Variants in TBX15 observed in about 807,000 individuals in gnomAD.
The protein encoded by TBX15 is T-box transcription factor 15, also known as T-box transcription factor TBX15.
In TBX15, 18 loss-of-function variants were observed where a neutral mutation model predicts 53.9. The observed-to-expected ratio is 0.33, with a 90% CI of 0.23 to 0.49. TBX15 has a LOEUF of 0.49. TBX15 is among the 20% of genes least tolerant of loss of function. The pLI, the probability that TBX15 is intolerant of heterozygous loss-of-function variation, is 0.98. For synonymous variants in TBX15, 295 were observed against 278.0 expected, an observed-to-expected ratio of 1.06 and a Z score of -0.61; for missense variants, 692 against 749.5, an observed-to-expected ratio of 0.92 and a Z score of 0.90.
chr1:118,979,985 G>C (rs920084661), intron 1 of TBX15, among the ~76,000 whole-genome samples: 14 of 152,210 alleles, frequency 9.2e-5, no homozygotes. Flanking sequence ...CCGAGGGGCC[G>C]AGGGGCCGAG....
At chr1:118,900,043 C>T (rs373013345) in intron 6 of TBX15, among the ~76,000 whole-genome samples, 3 of 152,192 alleles carry the variant, frequency 2.0e-5, no homozygotes, top group Non-Finnish European at 2.9e-5. Flanking sequence ...GATATCCATA[C>T]CCTCAAAACA....
intron 1 of TBX15, among the ~76,000 whole-genome samples, chr1:118,960,292 A>G (rs1443932519): frequency 1.3e-5 from 2 of 152,170 alleles, no homozygotes; most frequent in East Asian, 1.9e-4. Flanking sequence ...CGCCCAGTTC[A>G]GGTTTCATCT....
At chr1:118,895,477 C>T (rs1654392487) in intron 7 of TBX15, among the ~76,000 whole-genome samples, 1 of 152,164 alleles carries the variant, frequency 6.6e-6, no homozygotes, top group Non-Finnish European at 1.5e-5. Flanking sequence ...TCAAGTATAT[C>T]CATCAGAACA....
At chr1:118,918,505 G>T (rs75852216) in intron 5 of TBX15, among the ~76,000 whole-genome samples, 8,752 of 152,074 alleles carry the variant, frequency 0.058, 348 homozygotes, top group Admixed American at 0.093. Context: ...ATAGAACAAG[G>T]TCTATTAGTA....
intron 1 of TBX15, among the ~76,000 whole-genome samples, chr1:118,932,449 C>T (rs888004612): frequency 6.6e-6 from 1 of 151,918 alleles, no homozygotes; most frequent in Non-Finnish European, 1.5e-5. Context: ...TCTAATCAGG[C>T]CATTTTGGAT....
chr1:118,907,157 G>T (rs1229909448), intron 6 of TBX15, among the ~76,000 whole-genome samples: 1 of 152,140 alleles, frequency 6.6e-6, no homozygotes, highest in Non-Finnish European at 1.5e-5. Context: ...TGGCTTTGGG[G>T]TGCCATACCA....
At chr1:118,959,794 A>C (rs1186814875) in intron 1 of TBX15, among the ~76,000 whole-genome samples, 2 of 152,228 alleles carry the variant, frequency 1.3e-5, no homozygotes, top group Non-Finnish European at 2.9e-5. Flanking sequence ...TGTCTGCAAT[A>C]AATTCAGTAC....
intron 1 of TBX15, among the ~76,000 whole-genome samples, chr1:118,973,441 T>C (rs1483431174): frequency 6.6e-6 from 1 of 151,270 alleles, no homozygotes; most frequent in Admixed American, 6.6e-5. Context: ...GCTGACAAGA[T>C]TATGGGCAAA....
At chr1:118,907,712 C>T (rs1034845496) in intron 6 of TBX15, among the ~76,000 whole-genome samples, 1 of 152,180 alleles carries the variant, frequency 6.6e-6, no homozygotes, top group Non-Finnish European at 1.5e-5. Flanking sequence ...TCCTCTTTAG[C>T]TTCAGGATCT....
chr1:118,894,763 C>G (rs1452847483), intron 7 of TBX15, among the ~76,000 whole-genome samples: 1 of 152,134 alleles, frequency 6.6e-6, no homozygotes, highest in African/African-American at 2.4e-5. Flanking sequence ...CAGTTTTGGA[C>G]ATGCTGAGCA....
At chr1:118,920,012 C>T (rs983685984) in intron 5 of TBX15, among the ~76,000 whole-genome samples, 9 of 152,240 alleles carry the variant, frequency 5.9e-5, no homozygotes, top group African/African-American at 2.2e-4. Flanking sequence ...TCTCCATAGA[C>T]TAGTACTGAT....
chr1:118,960,570 G>A (rs1236940864), intron 1 of TBX15, among the ~76,000 whole-genome samples: 1 of 152,174 alleles, frequency 6.6e-6, no homozygotes. Context: ...ACAATTGAGC[G>A]ACCAGGAGGC....
intron 1 of TBX15, among the ~76,000 whole-genome samples, chr1:118,986,628 C>T (rs1657846130): frequency 6.6e-6 from 1 of 152,242 alleles, no homozygotes; most frequent in Non-Finnish European, 1.5e-5. Context: ...GCTGCCCCCT[C>T]CCCGGGCTTG....
Position 118,884,821 on chromosome 1 carries a change from T to A in TBX15, c.1720A>T (p.Asn574Tyr). 1 of 1,614,120 alleles carries A rather than the reference T, an allele frequency of 6.2e-7. No individual in the cohort carries two copies. Among genetic ancestry groups the A allele is most frequent in the East Asian group, 2.2e-5 (1 of 44,860 alleles). Residue 574 changes from asparagine (N) to tyrosine (Y), a missense_variant, in exon 8 of 8, where the codon AAT becomes TAT. Physicochemically the swap from Asn to Tyr is moderately radical, Grantham distance 143. Transcript: ENST00000369429. ...HSMHMISPSPNNQQATNTCDG... is the reference protein window; with the variant it reads ...HSMHMISPSPYNQQATNTCDG... ...CAAGTGTTGGTTGCCTGTTGGTTAT[T>A]GGGTGAAGGGCTAATCATGTGCATG...
chr1:118,934,348 G>A (rs973721413), intron 1 of TBX15, among the ~76,000 whole-genome samples: 15 of 152,062 alleles, frequency 9.9e-5, no homozygotes, highest in Admixed American at 2.0e-4. Flanking sequence ...GGAAAAGACC[G>A]GGGGCTCAGA....
rs117559752 is a variant in TBX15 at position 118,975,937 on chromosome 1, G to A, written c.205+11654C>T. 6.7e-3 allele frequency among the ~76,000 whole-genome samples: 1,018 copies of A among 152,320 alleles called. 12 individuals carry two copies. The highest frequency in any genetic ancestry group is 0.035 in the Admixed American group (529 of 15,294). On this transcript the variant is annotated intron_variant, in intron 1 of 7. Coordinates refer to ENST00000369429, the MANE Select transcript of TBX15 (RefSeq NM_001330677.2). ...TTTCCTCTGGATGGTCAGGACCTCAGCACTTCTTCTTAAGGGCCCTGGGCT... is the reference window on the plus strand; with the variant it reads ...TTTCCTCTGGATGGTCAGGACCTCAACACTTCTTCTTAAGGGCCCTGGGCT...
rs539634388 is a variant in TBX15, at chr1:118,966,304, A to T, written c.205+21287T>A. Among the ~76,000 whole-genome samples, 8 of 152,326 alleles carry T rather than the reference A, an allele frequency of 5.3e-5. No homozygotes were observed. In the South Asian group the frequency reaches 1.7e-3, roughly 32 times the overall value. ...CCTAATGGGCTGTCACCCAGCAGCG[A>T]TTTCACAAATCGTGCAGAGCAGGTT... On this transcript the variant is annotated intron_variant, in intron 1 of 7. Coordinates refer to ENST00000369429, the MANE Select transcript of TBX15 (RefSeq NM_001330677.2).
chr1:118,943,753 C>A (rs909117800), intron 1 of TBX15, among the ~76,000 whole-genome samples: 1 of 152,138 alleles, frequency 6.6e-6, no homozygotes, highest in Admixed American at 6.5e-5. Context: ...GAAACACTCA[C>A]CTGGCTCAGG....
chr1:118,952,368 A>G (rs1656542909), intron 1 of TBX15, among the ~76,000 whole-genome samples: 2 of 152,146 alleles, frequency 1.3e-5, no homozygotes, highest in South Asian at 4.1e-4. Flanking sequence ...AGTCAGCACC[A>G]CAACCCTCAC....
Sources: allele counts gnomAD v4.1 joint callset (sites outside exome capture counted in the v4.1 genomes callset), GRCh38; gene constraint gnomAD v4.1.1; transcripts MANE v1.5; gene names NCBI Gene and HGNC (gene_info 2026-07-23, HGNC 2026-07-21).